ZNF486: variants seen among roughly 807,000 people sequenced by gnomAD.
The protein encoded by ZNF486 is zinc finger protein 486.
In ZNF486, 12 loss-of-function variants were observed where a neutral mutation model predicts 12.8. That is an observed-to-expected ratio of 0.94 (90% CI 0.60 to 1.52). The LOEUF (loss-of-function observed/expected upper bound fraction) is 1.52. Among genes scored for constraint, ZNF486 ranks in the 40% most tolerant of loss-of-function variants. The probability of loss-of-function intolerance (pLI) is 0.00; values close to 1 mark genes in which losing one functional copy is unlikely to be tolerated. For synonymous variants in ZNF486, 231 were observed against 184.9 expected (o/e 1.25, Z -2.02); for missense variants, 738 against 545.0 (o/e 1.35, Z -3.53).
chr19:20,180,342 G>C (rs1209772023), intron 1 of ZNF486, among the ~76,000 whole-genome samples: 1 of 152,036 alleles, frequency 6.6e-6, no homozygotes, highest in Non-Finnish European at 1.5e-5. Context: ...AGATAAACTA[G>C]TTGCTTCCAT....
At position 20,197,911 on chromosome 19, in the gene ZNF486, AC is replaced by A. The variant is rs781990235; in HGVS notation, c.1202del (p.Thr401MetfsTer21). ...AGLHKHRRTH[T>X]GEKPYKCEEC... ...CCTCCATAAACATAGGAGAACTCAT[AC>A]TGGAGAGAAACCCTACAAATGTGAA... On this transcript the variant is annotated frameshift_variant, in exon 4 of 4. Transcript: ENST00000335117. LOFTEE classifies it low-confidence loss of function (END_TRUNC). The A allele has an allele frequency of 6.2e-6, 10 of 1,613,458 alleles. No homozygotes were observed. In the East Asian group the frequency reaches 2.2e-4, roughly 36 times the overall value.
intron 1 of ZNF486, among the ~76,000 whole-genome samples, chr19:20,179,988 C>G (rs188399804): frequency 4.6e-5 from 7 of 152,190 alleles, no homozygotes; most frequent in Non-Finnish European, 1.5e-5. Flanking sequence ...CAAATCAGGA[C>G]AGATGATGTA....
chr19:20,185,736 A>G (rs2089835562), intron 2 of ZNF486, among the ~76,000 whole-genome samples: 1 of 150,836 alleles, frequency 6.6e-6, no homozygotes, highest in Admixed American at 6.6e-5. Flanking sequence ...GTACTGCTTA[A>G]TGTTTTTTAA....
intron 1 of ZNF486, among the ~76,000 whole-genome samples, chr19:20,168,368 A>G (rs2089608359): frequency 6.9e-6 from 1 of 144,396 alleles, no homozygotes; most frequent in Admixed American, 6.8e-5. Context: ...CACACACAAA[A>G]GAAGGGCCAG....
At chr19:20,177,935 C>CTTTTTTTTTTTTTTTTTTTTT (rs1241165221) in intron 1 of ZNF486, among the ~76,000 whole-genome samples, 3 of 145,094 alleles carry the variant, frequency 2.1e-5, no homozygotes, top group Admixed American at 6.7e-5. Context: ...AACATTTGTT[C>CTTTTTTTTTTTTTTTTTTTTT]TTTTTTTTTG....
At chr19:20,169,129 T>A (rs576804999) in intron 1 of ZNF486, among the ~76,000 whole-genome samples, 2 of 152,014 alleles carry the variant, frequency 1.3e-5, no homozygotes, top group African/African-American at 4.8e-5. Context: ...TTTTTTTTAT[T>A]TTGACATGGA....
chr19:20,167,835 G>A (rs2089601662), intron 1 of ZNF486, among the ~76,000 whole-genome samples: 1 of 151,888 alleles, frequency 6.6e-6, no homozygotes, highest in Non-Finnish European at 1.5e-5. Flanking sequence ...TTGAGGTAAA[G>A]GGTTGCTAGG....
Position 20,197,476 on chromosome 19 carries a change from C to G in ZNF486, c.766C>G (p.His256Asp). The G allele has an allele frequency of 1.2e-6, 2 of 1,609,054 alleles. No homozygotes were observed. Among genetic ancestry groups the G allele is most frequent in the East Asian group, 2.2e-5 (1 of 44,848 alleles). Residue 256 changes from histidine to aspartate, a missense_variant, in exon 4 of 4, where the codon CAT (histidine) becomes GAT (aspartate). Coordinates refer to ENST00000335117, the MANE Select transcript of ZNF486 (RefSeq NM_052852.4). ...VFKYFSSFTT[H>D]KKIHSGEKPY... ...TAAGTACTTCTCTAGCTTTACTACA[C>G]ATAAGAAAATTCATAGTGGAGAGAA...
intron 1 of ZNF486, among the ~76,000 whole-genome samples, chr19:20,171,718 T>C (rs1333881425): frequency 6.6e-6 from 1 of 152,392 alleles, no homozygotes; most frequent in Admixed American, 6.5e-5. Flanking sequence ...TTATTTTTTT[T>C]CTTTTAGCTT....
In ZNF486 at chr19:20,174,400, C is replaced by CT. The variant is rs34383133; in HGVS notation, c.30+7052dup. On this transcript the variant is annotated intron_variant, in intron 1 of 3. Coordinates refer to ENST00000335117, the MANE Select transcript of ZNF486 (RefSeq NM_052852.4). ...TTTTGTTTTTCTTTCTTTCTTTCTT[C>CT]TTTTTTTTTTTTGAGAGAGTCTCTG... 1.4e-3 allele frequency among the ~76,000 whole-genome samples: 204 copies of CT among 142,446 alleles called. 2 individuals are homozygous for CT. Among genetic ancestry groups the CT allele is most frequent in the East Asian group, 8.3e-3 (42 of 5,068 alleles). The allele number at this position is 142,446 out of a possible 152,430, so 93.5% of individuals were successfully genotyped here.
chr19:20,177,935 C>CTTTTTTTTTTTTTTTTTTT (rs1241165221), intron 1 of ZNF486, among the ~76,000 whole-genome samples: 31 of 145,160 alleles, frequency 2.1e-4, no homozygotes, highest in African/African-American at 7.7e-4. Context: ...AACATTTGTT[C>CTTTTTTTTTTTTTTTTTTT]TTTTTTTTTG....
At chr19:20,193,321 G>C (rs539230697) in intron 3 of ZNF486, among the ~76,000 whole-genome samples, 12 of 148,894 alleles carry the variant, frequency 8.1e-5, no homozygotes, top group Non-Finnish European at 1.3e-4. Context: ...TTGAAACTGG[G>C]TCTCACTCTA....
chr19:20,168,314 G>A (rs1438677741), intron 1 of ZNF486, among the ~76,000 whole-genome samples: 1 of 151,640 alleles, frequency 6.6e-6, no homozygotes, highest in East Asian at 1.9e-4. Context: ...AGCTGAGACC[G>A]CGCCATCGTA....
chr19:20,184,318 C>T lies in ZNF486; in HGVS notation c.31-38C>T, dbSNP rs369723673. ...CTTAAATTAAAAATTCCACCAACGGCGACTTGGTGAAAATGTGTGTGTGTG... is the reference window on the plus strand; with the variant it reads ...CTTAAATTAAAAATTCCACCAACGGTGACTTGGTGAAAATGTGTGTGTGTG... On this transcript the variant is annotated intron_variant, in intron 1 of 3. Coordinates refer to ENST00000335117, the MANE Select transcript of ZNF486 (RefSeq NM_052852.4). The T allele has an allele frequency of 8.0e-5, 129 of 1,606,938 alleles. 1 individual carries two copies. In the African/African-American group the frequency reaches 8.2e-4, roughly 10 times the overall value.
At chr19:20,170,036 G>T (rs1018811810) in intron 1 of ZNF486, among the ~76,000 whole-genome samples, 3 of 151,430 alleles carry the variant, frequency 2.0e-5, no homozygotes, top group Non-Finnish European at 4.4e-5. Flanking sequence ...GACTACAGGC[G>T]CCCGCCACCA....
At chr19:20,189,292 A>T (rs1555716883) in intron 3 of ZNF486, among the ~76,000 whole-genome samples, 1 of 152,150 alleles carries the variant, frequency 6.6e-6, no homozygotes, top group East Asian at 1.9e-4. Context: ...GCTGGTCTCA[A>T]ACTCCTGATC....
chr19:20,181,018 CAA>C (rs1555715451), intron 1 of ZNF486, among the ~76,000 whole-genome samples: 1 of 152,024 alleles, frequency 6.6e-6, no homozygotes, highest in Non-Finnish European at 1.5e-5. Context: ...TTAGAAGAAA[CAA>C]AACTGGAAGT....
intron 3 of ZNF486, among the ~76,000 whole-genome samples, chr19:20,195,283 G>A (rs1258387542): frequency 2.6e-5 from 4 of 152,186 alleles, no homozygotes; most frequent in African/African-American, 9.7e-5. Flanking sequence ...ATTCTCCTGT[G>A]TCAGCCTTAC....
At position 20,195,258 on chromosome 19, in the gene ZNF486, G is replaced by A. The variant is rs1013469613; in HGVS notation, c.254-1706G>A. On this transcript the variant is annotated intron_variant, in intron 3 of 3. Transcript: ENST00000335117. ...ATCTCCACTCACTGCAACGTTTCCC[G>A]CCTGGATTCAAGCAATTCTCCTGTG... 5.9e-5 allele frequency among the ~76,000 whole-genome samples: 9 copies of A among 152,204 alleles called. No homozygotes were observed. In the South Asian group the frequency reaches 6.2e-4, roughly 11 times the overall value.
Sources: allele counts gnomAD v4.1 joint callset (sites outside exome capture counted in the v4.1 genomes callset), GRCh38; gene constraint gnomAD v4.1.1; transcripts MANE v1.5; gene names NCBI Gene and HGNC (gene_info 2026-07-23, HGNC 2026-07-21).